The following ZDHHC15 variants were observed in gnomAD, a reference collection of about 807,000 sequenced individuals.
ZDHHC15 encodes the protein zDHHC palmitoyltransferase 15, also known as palmitoyltransferase ZDHHC15.
Under a neutral mutation model 31.7 loss-of-function variants are expected in ZDHHC15, and 19 were observed. The ratio of observed to expected loss-of-function variants is 0.60; its 90% confidence interval spans 0.42 to 0.88. ZDHHC15 has a LOEUF of 0.88. ZDHHC15 is among the 40% of genes least tolerant of loss of function. The pLI, the probability that ZDHHC15 is intolerant of heterozygous loss-of-function variation, is 0.00. For synonymous variants in ZDHHC15, 103 were observed against 90.0 expected (o/e 1.14, Z -0.82); for missense variants, 209 against 251.2 (o/e 0.83, Z 1.14).
At chrX:75,376,038 A>T (rs1193664351) in intron 11 of ZDHHC15, among the ~76,000 whole-genome samples, 1 of 111,208 alleles carries the variant, frequency 9.0e-6, no homozygotes, top group Non-Finnish European at 1.9e-5. Context: ...GTATAAGCAT[A>T]CCCTTTTCTC....
intron 2 of ZDHHC15, among the ~76,000 whole-genome samples, chrX:75,495,957 T>C (rs1289738755): frequency 9.5e-6 from 1 of 105,534 alleles, no homozygotes; most frequent in Non-Finnish European, 1.9e-5. Flanking sequence ...AAAAACAAGG[T>C]ATTCAGGTAA....
intron 2 of ZDHHC15, among the ~76,000 whole-genome samples, chrX:75,500,877 C>T (rs909083928): frequency 9.1e-6 from 1 of 109,776 alleles, no homozygotes; most frequent in Admixed American, 9.9e-5. Flanking sequence ...CTCTCAGTGC[C>T]CTCTCACCTT....
intron 10 of ZDHHC15, among the ~76,000 whole-genome samples, chrX:75,386,606 G>T: frequency 9.1e-6 from 1 of 110,168 alleles, no homozygotes; most frequent in African/African-American, 3.3e-5. Flanking sequence ...CTCCTGAGTA[G>T]CTGGGACTAC....
At chrX:75,377,996 T>C (rs145634532) in intron 11 of ZDHHC15, among the ~76,000 whole-genome samples, 40 of 112,425 alleles carry the variant, frequency 3.6e-4, no homozygotes, top group Middle Eastern at 9.3e-3. Flanking sequence ...AATCTAGATA[T>C]TACTATCATA....
intron 10 of ZDHHC15, among the ~76,000 whole-genome samples, chrX:75,388,751 A>T (rs1187578097): frequency 8.9e-6 from 1 of 111,998 alleles, no homozygotes; most frequent in African/African-American, 3.2e-5. Context: ...TTGAATGTAA[A>T]TAGGTTCAAT....
chrX:75,492,644 A>G (rs1174787410), intron 2 of ZDHHC15, among the ~76,000 whole-genome samples: 1 of 111,862 alleles, frequency 8.9e-6, no homozygotes, highest in Non-Finnish European at 1.9e-5. Context: ...AAACTGGACA[A>G]CTACATGGAA....
chrX:75,443,181 C>T lies in ZDHHC15; in HGVS notation c.379+7621G>A, dbSNP rs372057747. 4.2e-4 allele frequency among the ~76,000 whole-genome samples: 46 copies of T among 109,683 alleles called. 2 individuals carry two copies. The highest frequency in any genetic ancestry group is 3.8e-3 in the East Asian group (13 of 3,465). ...TCAATCCTAAGCCAAAAGAACAAAGCTGGAGGCATCATGCTACCTGACTTC... is the reference window on the plus strand; with the variant it reads ...TCAATCCTAAGCCAAAAGAACAAAGTTGGAGGCATCATGCTACCTGACTTC... On this transcript the variant is annotated intron_variant, in intron 4 of 11. Transcript: ENST00000373367.
chrX:75,470,970 C>T (rs1232511995), intron 3 of ZDHHC15, among the ~76,000 whole-genome samples: 1 of 111,979 alleles, frequency 8.9e-6, no homozygotes, highest in African/African-American at 3.2e-5. Flanking sequence ...GGTGGTGATT[C>T]CCACTACATC....
intron 3 of ZDHHC15, among the ~76,000 whole-genome samples, chrX:75,463,610 A>AAG (rs1298467731): frequency 1.4e-3 from 90 of 64,053 alleles, no homozygotes; most frequent in Non-Finnish European, 2.8e-3. Context: ...ACAACAAAAA[A>AAG]CCCATCAAAA....
At chrX:75,499,835 A>G (rs1203413809) in intron 2 of ZDHHC15, among the ~76,000 whole-genome samples, 1 of 111,826 alleles carries the variant, frequency 8.9e-6, no homozygotes. Context: ...ACACTTGCAC[A>G]TGTATGTTTA....
chrX:75,388,114 C>T (rs1415926990), intron 10 of ZDHHC15, among the ~76,000 whole-genome samples: 1 of 112,162 alleles, frequency 8.9e-6, no homozygotes, highest in Non-Finnish European at 1.9e-5. Context: ...AAAAATAAAG[C>T]AGAGATAAAG....
intron 10 of ZDHHC15, among the ~76,000 whole-genome samples, chrX:75,383,497 C>T (rs2083138873): frequency 1.8e-5 from 2 of 110,775 alleles, no homozygotes; most frequent in African/African-American, 6.6e-5. Flanking sequence ...TGCTTCTGCA[C>T]TGCTCTCTGA....
chrX:75,411,454 C>T (rs528064207), intron 10 of ZDHHC15, among the ~76,000 whole-genome samples: 15 of 112,375 alleles, frequency 1.3e-4, no homozygotes, highest in East Asian at 2.8e-4. Flanking sequence ...CCTCGTGATC[C>T]GCCCGCCTCG....
At chrX:75,519,539 C>T (rs2085415589) in intron 1 of ZDHHC15, among the ~76,000 whole-genome samples, 1 of 111,884 alleles carries the variant, frequency 8.9e-6, no homozygotes, top group Non-Finnish European at 1.9e-5. Flanking sequence ...TGGCAGAATT[C>T]AAACTCTAAG....
chrX:75,468,809 A>G (rs2084454823), intron 3 of ZDHHC15, among the ~76,000 whole-genome samples: 1 of 111,937 alleles, frequency 8.9e-6, no homozygotes, highest in South Asian at 3.7e-4. Flanking sequence ...TTCTCTAGTA[A>G]CTAATGATGT....
At chrX:75,518,015 AAACC>A (rs1040298536) in intron 1 of ZDHHC15, among the ~76,000 whole-genome samples, 1 of 110,512 alleles carries the variant, frequency 9.0e-6, no homozygotes, top group Non-Finnish European at 1.9e-5. Context: ...CAAAAAACCA[AAACC>A]AACCAACCAA....
At chrX:75,509,110 G>A (rs186458889) in intron 1 of ZDHHC15, among the ~76,000 whole-genome samples, 63 of 111,046 alleles carry the variant, frequency 5.7e-4, no homozygotes, top group Non-Finnish European at 9.4e-5. Context: ...ATAGGCATGG[G>A]CAAGGACTTC....
At chrX:75,453,828 A>G (rs745624939) in intron 3 of ZDHHC15, among the ~76,000 whole-genome samples, 1 of 111,689 alleles carries the variant, frequency 9.0e-6, no homozygotes, top group South Asian at 3.8e-4. Context: ...GCCTTTGACA[A>G]AATTCCACAG....
At chrX:75,375,035 A>C (rs1476216255) in intron 11 of ZDHHC15, among the ~76,000 whole-genome samples, 7 of 111,511 alleles carry the variant, frequency 6.3e-5, no homozygotes, top group African/African-American at 2.3e-4. Context: ...TATATTATAA[A>C]AGTATATAGT....
Sources: gnomAD v4.1 joint callset for allele counts (sites outside exome capture counted in the v4.1 genomes callset) on GRCh38, gnomAD v4.1.1 for gene constraint, MANE v1.5 for transcripts, NCBI Gene and HGNC (gene_info 2026-07-23, HGNC 2026-07-21) for gene names.